The following MFRP variants were observed in gnomAD, a reference collection of about 807,000 sequenced individuals.
The protein encoded by MFRP is C1q and TNF related 5.
A neutral mutation model predicts 65.8 loss-of-function variants in MFRP; 74 were observed. That is an observed-to-expected ratio of 1.12 (90% CI 0.93 to 1.36). The LOEUF is 1.36. MFRP is among the 40% of genes most tolerant of loss of function. The pLI, the probability that MFRP is intolerant of heterozygous loss-of-function variation, is 0.00. For synonymous variants in MFRP, 336 were observed against 288.3 expected, an observed-to-expected ratio of 1.17 and a Z score of -1.68; for missense variants, 838 against 736.0, an observed-to-expected ratio of 1.14 and a Z score of -1.60.
chr11:119,343,685 G>T, intron 9 of MFRP, 131 bp downstream of exon 9: 1 of 1,169,194 alleles, frequency 8.6e-7, no homozygotes, highest in Non-Finnish European at 1.3e-6. Flanking sequence ...GGGTGATGGT[G>T]AAGAGACCCC....
Position 119,343,004 on chromosome 11 carries a change from C to T in MFRP, c.1125-1G>A. 6.2e-7 allele frequency: 1 copy of T among 1,600,746 alleles called. No homozygotes were observed. The highest frequency in any genetic ancestry group is 1.1e-5 in the South Asian group (1 of 89,170). On this transcript the variant is annotated splice_acceptor_variant, in intron 9 of 14. Coordinates refer to ENST00000619721, the MANE Select transcript of MFRP (RefSeq NM_031433.4). LOFTEE classifies it high-confidence loss of function. ...GGGGGGTGGCTCTGCTCCACAGAAC[C>T]TGCCCAAAGCAGACAGCTGTTCTGG... is the stretch of plus-strand genomic sequence containing the variant.
intron 10 of MFRP, 45 bp from the exon 11 acceptor site, chr11:119,342,772 C>G (rs765828336): frequency 1.1e-5 from 18 of 1,613,038 alleles, no homozygotes; most frequent in Non-Finnish European, 1.4e-5. Flanking sequence ...CATACCTACA[C>G]CCCCAGTACC....
chr11:119,345,816 A>T lies in MFRP; in HGVS notation c.384T>A (p.Pro128=). 6.2e-7 allele frequency: 1 copy of T among 1,613,592 alleles called. No homozygotes were observed. The highest frequency in any genetic ancestry group is 8.5e-7 in the Non-Finnish European group (1 of 1,179,924). Residue 128 remains proline, a synonymous_variant, in exon 4 of 15, where the codon CCT becomes CCA. Transcript: ENST00000619721. The part of the protein sequence containing the change: ...TITTSQAAGT[P]KGQQESGVSP... ...TCACGCCTGACTCCTGCTGCCCTTTAGGGGTCCCAGCTGCCTGAGAGGTGG... is the reference window on the plus strand; with the variant it reads ...TCACGCCTGACTCCTGCTGCCCTTTTGGGGTCCCAGCTGCCTGAGAGGTGG...
chr11:119,340,700 C>T lies in MFRP; in HGVS notation c.*848G>A, dbSNP rs565257458. On this transcript the variant is annotated 3_prime_UTR_variant, in exon 13 of 15. Transcript: ENST00000619721. ...CCCTCCTCCGCCAGACTCACCCCCC[C>T]TCCCGGCTCCCCGATGGCCTCCTTC... The T allele has an allele frequency of 3.0e-5, 13 of 429,584 alleles. 1 individual carries two copies. Among genetic ancestry groups the T allele is most frequent in the South Asian group, 8.1e-5 (3 of 37,018 alleles). 26.6% of individuals were successfully genotyped at this position (429,584 alleles called of 1,614,324 possible). A position where few individuals can be genotyped will look rare whatever the true frequency, so the allele number is the denominator to read the frequency against.
In MFRP at chr11:119,345,744, C is replaced by G. The variant is rs766452081; in HGVS notation, c.427+29G>C. On this transcript the variant is annotated intron_variant, in intron 4 of 14. Coordinates refer to ENST00000619721, the MANE Select transcript of MFRP (RefSeq NM_031433.4). ...CCCCACCCCGTCATCTTGGGCCCTT[C>G]TCCCGGAAGATCTGCCCCCAGTACT... 5 of 1,613,382 alleles carry G rather than the reference C, an allele frequency of 3.1e-6. No homozygotes were observed. The East Asian group carries it at 1.1e-4, about 36-fold the overall frequency.
At position 119,346,068 on chromosome 11, in the gene MFRP, C is replaced by A. The variant is rs752823008; in HGVS notation, c.249G>T (p.Leu83=). The A allele has an allele frequency of 2.0e-5, 32 of 1,610,118 alleles. No homozygotes were observed. The highest frequency in any genetic ancestry group is 2.7e-5 in the Non-Finnish European group (32 of 1,178,266). ...TACGGGCCAGGATGATGGCCACCAG[C>A]AGCCCAAGCAGCAGGAGGAGCAGGC... ...LSSLLLLLLG[L]LVAIILAQLQ... is the part of the protein sequence containing the mutation. The change falls in exon 3 of 15, where the codon CTG becomes CTT. Residue 83 remains leucine, a synonymous_variant. Coordinates refer to ENST00000619721, the MANE Select transcript of MFRP (RefSeq NM_031433.4).
rs1950492903 is a variant in MFRP at position 119,340,582 on chromosome 11, A to C, written c.*853+113T>G. On this transcript the variant is annotated intron_variant, in intron 13 of 14. Coordinates refer to ENST00000619721, the MANE Select transcript of MFRP (RefSeq NM_031433.4). Reference sequence around the variant, plus strand: ...TCGCAGGGCCGAGCATCCGGAGAGCACAGGCAGGCGCGAGAGGGTGGGAGC... The same window carrying C: ...TCGCAGGGCCGAGCATCCGGAGAGCCCAGGCAGGCGCGAGAGGGTGGGAGC... 4 of 625,088 alleles carry C rather than the reference A, an allele frequency of 6.4e-6. No homozygotes were observed. The South Asian group carries it at 8.2e-5, about 13-fold the overall frequency. 38.7% of individuals were successfully genotyped at this position (625,088 alleles called of 1,614,324 possible). A position where few individuals can be genotyped will look rare whatever the true frequency, so the allele number is the denominator to read the frequency against.
rs1178400744 is a variant in MFRP at position 119,346,384 on chromosome 11, G to A, written c.55-10C>T. 5 of 1,613,540 alleles carry A rather than the reference G, an allele frequency of 3.1e-6. No individual in the cohort carries two copies. In the African/African-American group the frequency reaches 5.3e-5, roughly 17 times the overall value. On this transcript the variant is annotated splice_polypyrimidine_tract_variant and intron_variant, in intron 1 of 14. Transcript: ENST00000619721. ...GATTGCAGAACTCGGTCTGGAAGGG[G>A]GAGATACTTGAGGGCTGAGGGCAGC... is the stretch of plus-strand genomic sequence containing the variant.
In MFRP at chr11:119,341,999, G is replaced by A; in HGVS notation, c.1388-15C>T. The A allele has an allele frequency of 6.2e-7, 1 of 1,613,100 alleles. No homozygotes were observed. The highest frequency in any genetic ancestry group is 8.5e-7 in the Non-Finnish European group (1 of 1,180,016). On this transcript the variant is annotated splice_polypyrimidine_tract_variant and intron_variant, in intron 11 of 14. Coordinates refer to ENST00000619721, the MANE Select transcript of MFRP (RefSeq NM_031433.4). ...ACAGGCCAGCTCTGCAGGGGTGGAG[G>A]GGAGGGCCACTGTGGGGACTGCTCA... is the stretch of plus-strand genomic sequence containing the variant.
chr11:119,343,219 T>C lies in MFRP; in HGVS notation c.1125-216A>G, dbSNP rs535532278. ...CGAGCCACTTCTAGATGGGGAAAAA[T>C]CAGCGAAGCAGCCTGGCATTGTGGC... On this transcript the variant is annotated intron_variant, in intron 9 of 14. Transcript: ENST00000619721. 1.1e-4 allele frequency among the ~76,000 whole-genome samples: 16 copies of C among 152,264 alleles called. No individual in the cohort carries two copies. The East Asian group carries it at 2.9e-3, about 28-fold the overall frequency.
chr11:119,345,721 C>G, intron 4 of MFRP, 52 bp downstream of exon 4: 1 of 1,613,022 alleles, frequency 6.2e-7, no homozygotes, highest in Non-Finnish European at 8.5e-7. Context: ...CCCCTCAACC[C>G]CACCCCGTCA....
Position 119,339,479 on chromosome 11 carries a change from G to C in MFRP, c.*1480C>G, listed in dbSNP as rs766867289. Reference sequence around the variant, plus strand: ...GTCCTCAGGCTCCAGCCTCACCATGGCCCCCCCCGAGAGCGAGGCTGGCTT... The same window carrying C: ...GTCCTCAGGCTCCAGCCTCACCATGCCCCCCCCCGAGAGCGAGGCTGGCTT... On this transcript the variant is annotated 3_prime_UTR_variant, in exon 15 of 15. Coordinates refer to ENST00000619721, the MANE Select transcript of MFRP (RefSeq NM_031433.4). The surrounding 1 kb of genome is among the most constrained non-coding windows in gnomAD (Gnocchi z 5.4). The C allele has an allele frequency of 2.5e-6, 4 of 1,613,314 alleles. No homozygotes were observed. Among genetic ancestry groups the C allele is most frequent in the Admixed American group, 1.7e-5 (1 of 59,980 alleles).
intron 5 of MFRP, 115 bp downstream of exon 5, chr11:119,345,305 G>T: frequency 9.1e-7 from 1 of 1,093,120 alleles, no homozygotes; most frequent in Non-Finnish European, 1.4e-6. Context: ...TGGGCCCAGA[G>T]GTCTAGTCTC....
chr11:119,341,528 G>A lies in MFRP; in HGVS notation c.*20C>T. 6.2e-7 allele frequency: 1 copy of A among 1,600,634 alleles called. No homozygotes were observed. Among genetic ancestry groups the A allele is most frequent in the Non-Finnish European group, 8.5e-7 (1 of 1,170,402 alleles). ...GGCAAAAGAGGACGGGCAGGAAGAGGGCAGGGGCCGGCTTCAGGGTCAGGG... is the reference window on the plus strand; with the variant it reads ...GGCAAAAGAGGACGGGCAGGAAGAGAGCAGGGGCCGGCTTCAGGGTCAGGG... On this transcript the variant is annotated 3_prime_UTR_variant, in exon 13 of 15. Coordinates refer to ENST00000619721, the MANE Select transcript of MFRP (RefSeq NM_031433.4).
Position 119,341,184 on chromosome 11 carries a change from C to T in MFRP, c.*364G>A, listed in dbSNP as rs571257486. ...GATCCCTAGGGCCTAGGACAGGGGC[C>T]TGCCACATGAATAGATGCTCAGTAC... On this transcript the variant is annotated 3_prime_UTR_variant, in exon 13 of 15. Coordinates refer to ENST00000619721, the MANE Select transcript of MFRP (RefSeq NM_031433.4). 3.3e-6 allele frequency: 1 copy of T among 302,952 alleles called. No homozygotes were observed. Among genetic ancestry groups the T allele is most frequent in the Non-Finnish European group, 6.4e-6 (1 of 157,344 alleles). 18.8% of individuals were successfully genotyped at this position (302,952 alleles called of 1,614,324 possible).
intron 11 of MFRP, among the ~76,000 whole-genome samples, 165 bp downstream of exon 11, chr11:119,342,431 G>A (rs568977475): frequency 5.3e-5 from 8 of 152,252 alleles, no homozygotes; most frequent in African/African-American, 1.9e-4. Flanking sequence ...ACCACCAGCC[G>A]ACTGTCTTCC....
Position 119,341,147 on chromosome 11 carries a change from G to C in MFRP, c.*401C>G, listed in dbSNP as rs776321616. The C allele has an allele frequency of 2.8e-5, 7 of 247,626 alleles. No homozygotes were observed. Among genetic ancestry groups the C allele is most frequent in the Admixed American group, 5.1e-5 (1 of 19,556 alleles). 15.3% of individuals were successfully genotyped at this position (247,626 alleles called of 1,614,324 possible). A position where few individuals can be genotyped will look rare whatever the true frequency, so the allele number is the denominator to read the frequency against. On this transcript the variant is annotated 3_prime_UTR_variant, in exon 13 of 15. Transcript: ENST00000619721. Reference sequence around the variant, plus strand: ...ATGAGGGTGGAGAGTTCTAGAGGCAGACAGCCAGTTGGATCCCTAGGGCCT... The same window carrying C: ...ATGAGGGTGGAGAGTTCTAGAGGCACACAGCCAGTTGGATCCCTAGGGCCT...
chr11:119,342,764 T>C (rs2135369241), intron 10 of MFRP, 37 bp from the exon 11 acceptor site: 2 of 1,613,232 alleles, frequency 1.2e-6, no homozygotes, highest in East Asian at 2.2e-5. Context: ...CCCGGGGACA[T>C]ACCTACACCC....
Position 119,345,519 on chromosome 11 carries a change from G to C in MFRP, c.542C>G (p.Ala181Gly). ...GAGGGCTTCGATCTTGAGCTGTATT[G>C]CATGGTCTGTGGCCACCTGGATATG... is the stretch of plus-strand genomic sequence containing the variant. ...VWHIQVATDH[A>G]IQLKIEALSI... The change falls in exon 5 of 15, where the codon GCA becomes GGA. Residue 181 changes from alanine (A) to glycine (G), a missense_variant. Transcript: ENST00000619721. The C allele has an allele frequency of 6.2e-7, 1 of 1,614,128 alleles. No individual in the cohort carries two copies. The highest frequency in any genetic ancestry group is 8.5e-7 in the Non-Finnish European group (1 of 1,180,036).
Sources: gnomAD v4.1 joint callset for allele counts (sites outside exome capture counted in the v4.1 genomes callset) on GRCh38, gnomAD v4.1.1 for gene constraint, Gnocchi (gnomAD v3.1) non-coding constraint, MANE v1.5 for transcripts, NCBI Gene and HGNC (gene_info 2026-07-23, HGNC 2026-07-21) for gene names.